ABTB2: variants seen among roughly 807,000 people sequenced by gnomAD.
ABTB2 encodes ankyrin repeat and BTB/POZ domain-containing protein 2.
A neutral mutation model predicts 104.1 loss-of-function variants in ABTB2; 56 were observed. The observed-to-expected ratio is 0.54, with a 90% CI of 0.43 to 0.67. ABTB2 has a LOEUF of 0.67. ABTB2 is among the 30% of genes least tolerant of loss of function. The pLI is 0.00. For missense variants in ABTB2, 1,279 were observed against 1,407.7 expected (o/e 0.91, Z 1.46); for synonymous variants, 606 against 608.2 (o/e 1.00, Z 0.05).
chr11:34,335,122 CA>C, intron 1 of ABTB2: 1 of 1,193,336 alleles, frequency 8.4e-7, no homozygotes, highest in Non-Finnish European at 1.2e-6. Context: ...CGCTAATTTC[CA>C]CTTAATTTCT....
intron 1 of ABTB2, among the ~76,000 whole-genome samples, chr11:34,343,268 A>G (rs1317110167): frequency 1.3e-5 from 2 of 152,174 alleles, no homozygotes; most frequent in South Asian, 2.1e-4. Flanking sequence ...AAATGAAGGA[A>G]AGTCACCATC....
chr11:34,328,831 G>A (rs147888069), intron 1 of ABTB2, among the ~76,000 whole-genome samples: 92 of 152,244 alleles, frequency 6.0e-4, no homozygotes, highest in East Asian at 2.1e-3. Context: ...CTGAAAACAC[G>A]TGGCCTCTCA....
intron 1 of ABTB2, among the ~76,000 whole-genome samples, chr11:34,215,823 T>C (rs905775680): frequency 6.6e-6 from 1 of 152,192 alleles, no homozygotes; most frequent in African/African-American, 2.4e-5. Context: ...CTAGGGCTGA[T>C]GGCTTCAAGA....
intron 1 of ABTB2, among the ~76,000 whole-genome samples, chr11:34,243,098 T>C (rs547108244): frequency 6.6e-6 from 1 of 152,272 alleles, no homozygotes; most frequent in Admixed American, 6.5e-5. Context: ...AGTGGAACTT[T>C]CTACCTTCCA....
intron 1 of ABTB2, among the ~76,000 whole-genome samples, chr11:34,286,236 T>C (rs1243653373): frequency 1.3e-5 from 2 of 151,154 alleles, no homozygotes; most frequent in African/African-American, 4.9e-5. Context: ...GGCAGGAGGA[T>C]CGTTTGGAGC....
At chr11:34,341,152 T>C (rs1469262934) in intron 1 of ABTB2, among the ~76,000 whole-genome samples, 2 of 152,244 alleles carry the variant, frequency 1.3e-5, no homozygotes, top group Non-Finnish European at 2.9e-5. Context: ...CTGTTTTATA[T>C]ACATTTTGTT....
At chr11:34,229,398 G>A (rs1034286897) in intron 1 of ABTB2, among the ~76,000 whole-genome samples, 26 of 149,372 alleles carry the variant, frequency 1.7e-4, no homozygotes, top group Non-Finnish European at 2.5e-4. Flanking sequence ...GGAGAATGGC[G>A]TGAACCCGGG....
At chr11:34,206,051 C>G (rs907440995) in intron 1 of ABTB2, among the ~76,000 whole-genome samples, 1 of 152,132 alleles carries the variant, frequency 6.6e-6, no homozygotes, top group Admixed American at 6.6e-5. Flanking sequence ...TACGTTATCT[C>G]ATTTATTCTT....
chr11:34,304,436 C>T (rs1854747322), intron 1 of ABTB2, among the ~76,000 whole-genome samples: 1 of 152,130 alleles, frequency 6.6e-6, no homozygotes, highest in Non-Finnish European at 1.5e-5. Flanking sequence ...TAATTATGTG[C>T]CAATACTGTC....
At chr11:34,221,262 C>G (rs575579781) in intron 1 of ABTB2, among the ~76,000 whole-genome samples, 1 of 152,194 alleles carries the variant, frequency 6.6e-6, no homozygotes, top group East Asian at 1.9e-4. Flanking sequence ...TGAGCCACCA[C>G]GCCTGGCCCA....
At position 34,357,486 on chromosome 11, in the gene ABTB2, G is replaced by C. The variant is rs1261223585; in HGVS notation, c.98C>G (p.Ser33Trp). The C allele has an allele frequency of 1.3e-6, 2 of 1,544,806 alleles. No homozygotes were observed. The highest frequency in any genetic ancestry group is 1.7e-6 in the Non-Finnish European group (2 of 1,146,848). ...AGDSCRSLSL[S>W]SSKSNSQALN... ...CGCCTGCGAGTTGGACTTGGAGGAC[G>C]AGAGGCTGAGCGAGCGGCACGAGTC... The change falls in exon 1 of 17, where the codon TCG becomes TGG. Residue 33 changes from serine to tryptophan, a missense_variant. By Grantham distance (177) the Ser-to-Trp change is radical. Coordinates refer to ENST00000435224, the MANE Select transcript of ABTB2 (RefSeq NM_145804.3).
At chr11:34,317,449 G>A (rs1289389294) in intron 1 of ABTB2, among the ~76,000 whole-genome samples, 2 of 152,112 alleles carry the variant, frequency 1.3e-5, no homozygotes, top group East Asian at 1.9e-4. Flanking sequence ...ATGAGAGTGC[G>A]AAAACAGTAA....
chr11:34,261,939 C>T (rs997107250), intron 1 of ABTB2, among the ~76,000 whole-genome samples: 5 of 152,174 alleles, frequency 3.3e-5, no homozygotes, highest in Admixed American at 2.6e-4. Flanking sequence ...TGGAGGACAG[C>T]AGGACCTCCA....
chr11:34,199,156 T>C (rs756059358), intron 2 of ABTB2, among the ~76,000 whole-genome samples: 2 of 152,214 alleles, frequency 1.3e-5, no homozygotes, highest in Non-Finnish European at 2.9e-5. Context: ...AAAATACAAC[T>C]TCTGCTGAGG....
intron 1 of ABTB2, among the ~76,000 whole-genome samples, chr11:34,269,025 G>GC (rs935618246): frequency 2.0e-5 from 3 of 152,286 alleles, no homozygotes; most frequent in South Asian, 2.1e-4. Flanking sequence ...CAGCGCTGAT[G>GC]CCCCCCACAG....
At chr11:34,286,252 G>A (rs914997843) in intron 1 of ABTB2, among the ~76,000 whole-genome samples, 2 of 151,936 alleles carry the variant, frequency 1.3e-5, no homozygotes, top group African/African-American at 4.8e-5. Context: ...GGAGCCAGGA[G>A]TTCAAGACGA....
Position 34,311,678 on chromosome 11 carries a change from G to A in ABTB2, c.883+45023C>T, listed in dbSNP as rs150420995. On this transcript the variant is annotated intron_variant, in intron 1 of 16. Coordinates refer to ENST00000435224, the MANE Select transcript of ABTB2 (RefSeq NM_145804.3). ...AAGAAGGTGTCCATTTATACTGGGA[G>A]GCACTTATTTAAGCCCAGCCCCAGT... Among the ~76,000 whole-genome samples, 220 of 152,320 alleles carry A rather than the reference G, an allele frequency of 1.4e-3. 1 individual carries two copies. The highest frequency in any genetic ancestry group is 3.1e-3 in the Admixed American group (47 of 15,300).
At chr11:34,184,282 A>C (rs1853067287) in intron 3 of ABTB2, among the ~76,000 whole-genome samples, 3 of 152,242 alleles carry the variant, frequency 2.0e-5, no homozygotes. Context: ...CAGCTATTGC[A>C]CAGGAGAGTG....
chr11:34,305,020 C>A (rs1854753955), intron 1 of ABTB2, among the ~76,000 whole-genome samples: 1 of 152,214 alleles, frequency 6.6e-6, no homozygotes, highest in East Asian at 1.9e-4. Flanking sequence ...GACATCCAAG[C>A]CTAATACCTA....
Sources: gnomAD v4.1 joint callset for allele counts (sites outside exome capture counted in the v4.1 genomes callset) on GRCh38, gnomAD v4.1.1 for gene constraint, MANE v1.5 for transcripts, NCBI Gene and HGNC (gene_info 2026-07-23, HGNC 2026-07-21) for gene names.